MOB1B: variants seen among roughly 807,000 people sequenced by gnomAD.
MOB1B encodes the protein MOB1 Mps One Binder homolog B.
MOB1B carries 19 observed loss-of-function variants against 24.4 expected under a neutral mutation model. The ratio of observed to expected loss-of-function variants is 0.78; its 90% CI spans 0.54 to 1.14. The LOEUF (loss-of-function observed/expected upper bound fraction) is 1.14. Ranked by LOEUF, MOB1B falls within the 50% of genes most tolerant of loss-of-function variation. The probability of loss-of-function intolerance (pLI) is 0.00; values close to 1 mark genes in which losing one functional copy is unlikely to be tolerated. For missense variants in MOB1B, 243 were observed against 259.6 expected (o/e 0.94, Z 0.44); for synonymous variants, 76 against 82.1 (o/e 0.93, Z 0.40).
At chr4:70,929,535 C>T (rs918812196) in intron 1 of MOB1B, among the ~76,000 whole-genome samples, 2 of 152,050 alleles carry the variant, frequency 1.3e-5, no homozygotes, top group Admixed American at 6.6e-5. Flanking sequence ...GTCTGTAGCA[C>T]AGTGGCCCAA....
chr4:70,956,346 T>C (rs1391627204), intron 1 of MOB1B, among the ~76,000 whole-genome samples: 1 of 152,242 alleles, frequency 6.6e-6, no homozygotes, highest in Non-Finnish European at 1.5e-5. Flanking sequence ...CAGATTTGTC[T>C]TGAACTCCTA....
intron 1 of MOB1B, among the ~76,000 whole-genome samples, chr4:70,923,759 C>T (rs2148874815): frequency 6.6e-6 from 1 of 151,812 alleles, no homozygotes; most frequent in East Asian, 1.9e-4. Context: ...ACCATCCTGG[C>T]TAACTCGATG....
intron 1 of MOB1B, among the ~76,000 whole-genome samples, chr4:70,935,868 T>TTTTTG (rs1737062759): frequency 6.7e-6 from 1 of 148,344 alleles, no homozygotes; most frequent in Non-Finnish European, 1.5e-5. Context: ...TTTTTTTTTT[T>TTTTTG]TGAGACGGAG....
chr4:70,939,421 T>G (rs554884026), intron 1 of MOB1B, among the ~76,000 whole-genome samples: 1 of 152,336 alleles, frequency 6.6e-6, no homozygotes, highest in South Asian at 2.1e-4. Flanking sequence ...AGTTCACACC[T>G]GTAATCTCAC....
At chr4:70,927,859 C>T (rs941043588) in intron 1 of MOB1B, among the ~76,000 whole-genome samples, 2 of 152,126 alleles carry the variant, frequency 1.3e-5, no homozygotes, top group Admixed American at 6.5e-5. Flanking sequence ...GCATAGAAGG[C>T]CTCCCTGAGA....
At chr4:70,909,534 A>G (rs1216643970) in intron 1 of MOB1B, among the ~76,000 whole-genome samples, 4 of 152,116 alleles carry the variant, frequency 2.6e-5, no homozygotes, top group African/African-American at 9.7e-5. Flanking sequence ...AAATAACAAT[A>G]ATAGTTCAAT....
chr4:70,915,728 C>T (rs1420709847), intron 1 of MOB1B, among the ~76,000 whole-genome samples: 4 of 151,704 alleles, frequency 2.6e-5, no homozygotes, highest in Non-Finnish European at 1.5e-5. Flanking sequence ...AGAGGGGGAC[C>T]GTTGGTCTTT....
At chr4:70,939,956 G>A (rs1193045145) in intron 1 of MOB1B, among the ~76,000 whole-genome samples, 1 of 152,224 alleles carries the variant, frequency 6.6e-6, no homozygotes, top group Non-Finnish European at 1.5e-5. Flanking sequence ...TCTGGCCACT[G>A]TGTGGCCCAG....
chr4:70,961,740 C>G (rs908367776), intron 2 of MOB1B, among the ~76,000 whole-genome samples: 11 of 152,122 alleles, frequency 7.2e-5, no homozygotes, highest in Non-Finnish European at 1.5e-5. Flanking sequence ...CCAAATGACA[C>G]TTGATGAAGT....
rs978921304 is a variant in MOB1B at position 70,984,489 on chromosome 4, C to T, written c.*2432C>T. 8.5e-5 allele frequency: 13 copies of T among 152,132 alleles called. No individual in the cohort carries two copies. Among genetic ancestry groups the T allele is most frequent in the Non-Finnish European group, 2.9e-5 (2 of 68,006 alleles). The allele number at this position is 152,132 out of a possible 1,614,324, so 9.4% of individuals were successfully genotyped here. The stretch of plus-strand genomic sequence containing the variant: ...TTTGCTGATAAATGTCTGTTGGATT[C>T]TTTTTGGATTTCTTTAATTAATTTG... On this transcript the variant is annotated 3_prime_UTR_variant, in exon 6 of 6. Transcript: ENST00000309395.
intron 1 of MOB1B, among the ~76,000 whole-genome samples, chr4:70,917,110 C>G (rs1736226359): frequency 6.6e-6 from 1 of 152,118 alleles, no homozygotes; most frequent in Admixed American, 6.6e-5. Context: ...CAAATGATGC[C>G]CTTTTAGAAC....
At chr4:70,917,385 G>C (rs1012285460) in intron 1 of MOB1B, among the ~76,000 whole-genome samples, 1 of 152,204 alleles carries the variant, frequency 6.6e-6, no homozygotes, top group Admixed American at 6.5e-5. Context: ...TTTCATGATA[G>C]TAGAAGTTTT....
At chr4:70,925,401 CTA>C (rs1438980053) in intron 1 of MOB1B, among the ~76,000 whole-genome samples, 2 of 152,114 alleles carry the variant, frequency 1.3e-5, no homozygotes, top group East Asian at 3.8e-4. Flanking sequence ...CTAGGGATAA[CTA>C]TACTTGTTAG....
intron 4 of MOB1B, chr4:70,976,656 A>T: frequency 1.0e-6 from 1 of 967,360 alleles, no homozygotes; most frequent in Non-Finnish European, 1.2e-6. Flanking sequence ...CAACAATATA[A>T]ATAGTTGTTG....
chr4:70,920,138 C>T (rs984548696), intron 1 of MOB1B, among the ~76,000 whole-genome samples: 18 of 152,180 alleles, frequency 1.2e-4, no homozygotes, highest in African/African-American at 4.1e-4. Context: ...CCAGAAATTA[C>T]TCAAGTCACA....
At chr4:70,906,127 C>T (rs1735728212) in intron 1 of MOB1B, among the ~76,000 whole-genome samples, 1 of 151,752 alleles carries the variant, frequency 6.6e-6, no homozygotes, top group Non-Finnish European at 1.5e-5. Context: ...CCTGTAATCC[C>T]AGCACTTTGG....
At chr4:70,927,029 G>A (rs1005725677) in intron 1 of MOB1B, among the ~76,000 whole-genome samples, 4 of 151,232 alleles carry the variant, frequency 2.6e-5, no homozygotes, top group African/African-American at 7.3e-5. Flanking sequence ...AATAAGATGC[G>A]GTCTCTGTCC....
chr4:70,953,629 G>T (rs950868215), intron 1 of MOB1B, among the ~76,000 whole-genome samples: 4 of 152,126 alleles, frequency 2.6e-5, no homozygotes, highest in Non-Finnish European at 5.9e-5. Flanking sequence ...GATAATTTGT[G>T]GTTTCTTAAG....
chr4:70,950,180 A>C (rs532267694), intron 1 of MOB1B, among the ~76,000 whole-genome samples: 2 of 152,110 alleles, frequency 1.3e-5, no homozygotes, highest in Non-Finnish European at 2.9e-5. Flanking sequence ...TCACGCCTGT[A>C]ATCCCAGCAC....
Sources: allele counts gnomAD v4.1 joint callset (sites outside exome capture counted in the v4.1 genomes callset), GRCh38; gene constraint gnomAD v4.1.1; transcripts MANE v1.5; gene names NCBI Gene and HGNC (gene_info 2026-07-23, HGNC 2026-07-21).